The following SNTB1 variants were observed in gnomAD, a reference collection of about 807,000 sequenced individuals.
SNTB1 encodes syntrophin beta 1, also known as beta-1-syntrophin.
Under a neutral mutation model 48.9 loss-of-function variants are expected in SNTB1, and 36 were observed. That is an observed-to-expected ratio of 0.74 (90% CI 0.56 to 0.97). The LOEUF (loss-of-function observed/expected upper bound fraction) is 0.97. Ranked by LOEUF, SNTB1 falls within the 50% of genes least tolerant of loss-of-function variation. The probability of loss-of-function intolerance (pLI) is 0.00; values close to 1 mark genes in which losing one functional copy is unlikely to be tolerated. For missense variants in SNTB1, 786 were observed against 703.4 expected, an observed-to-expected ratio of 1.12 and a Z score of -1.33; for synonymous variants, 299 against 294.6, an observed-to-expected ratio of 1.01 and a Z score of -0.15.
chr8:120,780,667 C>A (rs751162604), intron 1 of SNTB1, among the ~76,000 whole-genome samples: 2 of 152,140 alleles, frequency 1.3e-5, no homozygotes, highest in African/African-American at 2.4e-5. Context: ...TAACCAATAG[C>A]AAATTTCTGG....
chr8:120,690,882 C>T (rs945507104), intron 2 of SNTB1, among the ~76,000 whole-genome samples: 2 of 152,188 alleles, frequency 1.3e-5, no homozygotes, highest in African/African-American at 4.8e-5. Flanking sequence ...TTGTTAGAAG[C>T]AGTTTGGGAC....
In SNTB1 at chr8:120,637,090, C is replaced by G. The variant is rs150453692; in HGVS notation, c.789-4439G>C. On this transcript the variant is annotated intron_variant, in intron 2 of 6. Coordinates refer to ENST00000517992, the MANE Select transcript of SNTB1 (RefSeq NM_021021.4). ...TCAGCTAAAGGAGAAGATGCAGGAG[C>G]ATTGGCCAGTGTTTGCAGGCTTGGA... 8 of 377,898 alleles carry G rather than the reference C, an allele frequency of 2.1e-5. No individual in the cohort carries two copies. In the Admixed American group the frequency reaches 2.4e-4, roughly 11 times the overall value. 23.4% of individuals were successfully genotyped at this position (377,898 alleles called of 1,614,324 possible).
chr8:120,654,163 A>G (rs1300964245), intron 2 of SNTB1, among the ~76,000 whole-genome samples: 1 of 151,816 alleles, frequency 6.6e-6, no homozygotes, highest in Non-Finnish European at 1.5e-5. Flanking sequence ...TAAGGAACAT[A>G]CATAAAGCAT....
chr8:120,572,056 G>C (rs978963797), intron 4 of SNTB1, among the ~76,000 whole-genome samples: 2 of 152,010 alleles, frequency 1.3e-5, no homozygotes, highest in South Asian at 4.2e-4. Context: ...AAGTAAGAAG[G>C]ATTTTTCTGG....
chr8:120,612,992 A>T (rs956900460), intron 3 of SNTB1, among the ~76,000 whole-genome samples: 7 of 152,222 alleles, frequency 4.6e-5, no homozygotes, highest in African/African-American at 1.4e-4. Flanking sequence ...CATGATGTTA[A>T]GCGAAATAAG....
intron 2 of SNTB1, among the ~76,000 whole-genome samples, chr8:120,652,380 T>G (rs539841814): frequency 1.2e-3 from 177 of 152,290 alleles, no homozygotes; most frequent in African/African-American, 4.0e-3. Context: ...TAGAAAGTGA[T>G]AGAGAGTAAA....
chr8:120,620,533 G>T (rs1338197689), intron 3 of SNTB1, among the ~76,000 whole-genome samples: 2 of 151,816 alleles, frequency 1.3e-5, no homozygotes, highest in African/African-American at 4.8e-5. Context: ...AGTTCTTATT[G>T]CACTTACTTG....
intron 3 of SNTB1, among the ~76,000 whole-genome samples, chr8:120,597,034 T>C (rs536754104): frequency 6.6e-6 from 1 of 152,284 alleles, no homozygotes; most frequent in African/African-American, 2.4e-5. Flanking sequence ...GGTCTCGAGA[T>C]AGGGAGACTA....
chr8:120,763,095 ACTT>A (rs145536434), intron 1 of SNTB1, among the ~76,000 whole-genome samples: 3,495 of 152,108 alleles, frequency 0.023, 133 homozygotes, highest in African/African-American at 0.08. Context: ...ATCTCAAAAA[ACTT>A]CTTCCTCTAG....
At chr8:120,656,285 C>T (rs1445963357) in intron 2 of SNTB1, among the ~76,000 whole-genome samples, 1 of 152,150 alleles carries the variant, frequency 6.6e-6, no homozygotes, top group Non-Finnish European at 1.5e-5. Flanking sequence ...AAAAACAGGT[C>T]ATGCATGATA....
intron 1 of SNTB1, among the ~76,000 whole-genome samples, chr8:120,741,215 T>C (rs1819035187): frequency 6.6e-6 from 1 of 152,248 alleles, no homozygotes; most frequent in Admixed American, 6.5e-5. Context: ...TAAGTCTTCA[T>C]GGCAACGAGT....
At chr8:120,631,750 G>C (rs1289276325) in intron 3 of SNTB1, among the ~76,000 whole-genome samples, 1 of 151,396 alleles carries the variant, frequency 6.6e-6, no homozygotes. Context: ...ACATAACTTG[G>C]GAAAAAAAAA....
intron 1 of SNTB1, among the ~76,000 whole-genome samples, chr8:120,796,184 C>T (rs6998403): frequency 0.5 from 76,085 of 151,778 alleles, 22,630 homozygotes; most frequent in African/African-American, 0.84. Flanking sequence ...AAGACATGCC[C>T]GTTTCCCCTT....
intron 1 of SNTB1, among the ~76,000 whole-genome samples, chr8:120,805,299 G>A (rs1477224679): frequency 6.6e-6 from 1 of 152,110 alleles, no homozygotes; most frequent in Non-Finnish European, 1.5e-5. Flanking sequence ...ACGTGGCAAA[G>A]GGGAATTAGG....
At chr8:120,597,794 C>T (rs1379747149) in intron 3 of SNTB1, among the ~76,000 whole-genome samples, 3 of 152,204 alleles carry the variant, frequency 2.0e-5, no homozygotes, top group African/African-American at 2.4e-5. Context: ...ACACAGGCCC[C>T]GGCCAGGGAT....
chr8:120,777,926 T>C (rs184818498), intron 1 of SNTB1, among the ~76,000 whole-genome samples: 5 of 152,328 alleles, frequency 3.3e-5, no homozygotes, highest in African/African-American at 1.2e-4. Flanking sequence ...AACAGTGGCA[T>C]CTGCAGCAGC....
At chr8:120,559,412 C>G (rs1468723452) in intron 4 of SNTB1, among the ~76,000 whole-genome samples, 1 of 152,174 alleles carries the variant, frequency 6.6e-6, no homozygotes, top group Non-Finnish European at 1.5e-5. Context: ...AAATGCGTCC[C>G]TAAGCAAGAT....
intron 1 of SNTB1, among the ~76,000 whole-genome samples, chr8:120,732,566 C>T (rs1294185356): frequency 6.6e-6 from 1 of 152,172 alleles, no homozygotes; most frequent in Non-Finnish European, 1.5e-5. Context: ...GAGACACTTG[C>T]AGGCGGCCAC....
Position 120,811,687 on chromosome 8 carries a change from C to A in SNTB1, c.157G>T (p.Gly53Cys). ...CCGATGCCGTTGTACGCCGCAGCGC[C>A]CTCCTCGCTGCTCAGAACCAGGGCG... The part of the protein sequence containing the change: ...EDALVLSSEE[G>C]AAAYNGIGTA... Residue 53 changes from glycine (G) to cysteine (C), a missense_variant, in exon 1 of 7, where the codon GGC (glycine) becomes TGC (cysteine). Physicochemically the swap from Gly to Cys is radical, Grantham distance 159. Coordinates refer to ENST00000517992, the MANE Select transcript of SNTB1 (RefSeq NM_021021.4). 2.5e-6 allele frequency: 4 copies of A among 1,589,752 alleles called. No individual in the cohort carries two copies. Among genetic ancestry groups the A allele is most frequent in the Non-Finnish European group, 3.4e-6 (4 of 1,171,996 alleles).
Sources: gnomAD v4.1 joint callset for allele counts (sites outside exome capture counted in the v4.1 genomes callset) on GRCh38, gnomAD v4.1.1 for gene constraint, MANE v1.5 for transcripts, NCBI Gene and HGNC (gene_info 2026-07-23, HGNC 2026-07-21) for gene names.